TENT4B: variants seen among roughly 807,000 people sequenced by gnomAD.
TENT4B encodes PAP associated domain containing 5.
Under a neutral mutation model 75.0 loss-of-function variants are expected in TENT4B, and 10 were observed. That is an observed-to-expected ratio of 0.13 (90% CI 0.08 to 0.23). The LOEUF (loss-of-function observed/expected upper bound fraction) is 0.23, where lower values mean the gene tolerates loss of function less well. Among genes scored for constraint, TENT4B ranks in the 10% least tolerant of loss-of-function variants. The pLI, the probability that TENT4B is intolerant of heterozygous loss-of-function variation, is 1.00. For missense variants in TENT4B, 579 were observed against 893.8 expected (o/e 0.65, Z 4.49); for synonymous variants, 350 against 357.7 (o/e 0.98, Z 0.24).
chr16:50,170,961 T>G (rs1284018389), intron 1 of TENT4B, among the ~76,000 whole-genome samples: 2 of 22,738 alleles, frequency 8.8e-5, no homozygotes, highest in Admixed American at 5.0e-4. Context: ...GTGCCCAGTG[T>G]TTTTTTTTTT....
At chr16:50,221,790 G>T (rs1171900919) in intron 5 of TENT4B, among the ~76,000 whole-genome samples, 2 of 150,118 alleles carry the variant, frequency 1.3e-5, no homozygotes, top group African/African-American at 4.9e-5. Flanking sequence ...TTGAGATGGA[G>T]TCTTGCTCTG....
At chr16:50,195,941 C>G (rs2030209217) in intron 1 of TENT4B, among the ~76,000 whole-genome samples, 1 of 152,128 alleles carries the variant, frequency 6.6e-6, no homozygotes, top group South Asian at 2.1e-4. Context: ...TCTGTGTTGT[C>G]TACAATAGAT....
At chr16:50,186,769 C>T (rs1404045004) in intron 1 of TENT4B, among the ~76,000 whole-genome samples, 3 of 152,146 alleles carry the variant, frequency 2.0e-5, no homozygotes, top group Non-Finnish European at 2.9e-5. Context: ...CGGAATCTCA[C>T]TCTGTTGCCC....
chr16:50,219,684 TTTC>T (rs1354402253), intron 5 of TENT4B, among the ~76,000 whole-genome samples: 1 of 142,984 alleles, frequency 7.0e-6, no homozygotes, highest in East Asian at 2.4e-4. Context: ...CCCTCCCCCT[TTTC>T]TTCTCCCTCC....
chr16:50,169,218 T>C (rs991355967), intron 1 of TENT4B, among the ~76,000 whole-genome samples: 1 of 152,114 alleles, frequency 6.6e-6, no homozygotes, highest in African/African-American at 2.4e-5. Flanking sequence ...CTGTCTCTTT[T>C]CCCCCATATT....
intron 3 of TENT4B, among the ~76,000 whole-genome samples, chr16:50,214,475 G>A (rs1193410893): frequency 6.6e-6 from 1 of 152,104 alleles, no homozygotes; most frequent in Non-Finnish European, 1.5e-5. Context: ...GGCCAACATG[G>A]TAAAACCCCA....
chr16:50,181,203 C>T (rs1195125959), intron 1 of TENT4B, among the ~76,000 whole-genome samples: 1 of 152,096 alleles, frequency 6.6e-6, no homozygotes, highest in Non-Finnish European at 1.5e-5. Context: ...TTAAGCAAGA[C>T]AGAATATTTA....
intron 1 of TENT4B, among the ~76,000 whole-genome samples, chr16:50,161,639 A>T (rs2038003828): frequency 6.6e-6 from 1 of 152,084 alleles, no homozygotes; most frequent in African/African-American, 2.4e-5. Flanking sequence ...AGCCCTACTA[A>T]TTTTTTTACT....
intron 1 of TENT4B, among the ~76,000 whole-genome samples, chr16:50,201,074 A>G (rs1452228745): frequency 6.6e-6 from 1 of 152,134 alleles, no homozygotes; most frequent in African/African-American, 2.4e-5. Flanking sequence ...AGTGCTGATT[A>G]TAGGCCTGAG....
chr16:50,157,668 C>T (rs2037926601), intron 1 of TENT4B, among the ~76,000 whole-genome samples: 1 of 151,638 alleles, frequency 6.6e-6, no homozygotes, highest in African/African-American at 2.4e-5. Context: ...GTGATCTCGG[C>T]TCACTGCAGC....
intron 1 of TENT4B, among the ~76,000 whole-genome samples, chr16:50,161,106 C>T (rs1225430004): frequency 6.6e-6 from 1 of 152,164 alleles, no homozygotes; most frequent in Non-Finnish European, 1.5e-5. Flanking sequence ...TTGGTAGGGA[C>T]TCAGCTGCTG....
intron 1 of TENT4B, among the ~76,000 whole-genome samples, chr16:50,157,316 G>A (rs2037919619): frequency 6.6e-6 from 1 of 152,198 alleles, no homozygotes; most frequent in African/African-American, 2.4e-5. Context: ...CATTGCCTAA[G>A]TCCTTGATGT....
chr16:50,229,383 G>A lies in TENT4B; in HGVS notation c.*55G>A, dbSNP rs183602936. ...GTGCAATGATCTCATGCTCAGGACAGTTGCGCAGGGACTCCTGGGAGATAT... is the reference window on the plus strand; with the variant it reads ...GTGCAATGATCTCATGCTCAGGACAATTGCGCAGGGACTCCTGGGAGATAT... On this transcript the variant is annotated 3_prime_UTR_variant, in exon 12 of 12. Transcript: ENST00000561678. 10 of 1,540,168 alleles carry A rather than the reference G, an allele frequency of 6.5e-6. No individual in the cohort carries two copies. Among genetic ancestry groups the A allele is most frequent in the Non-Finnish European group, 7.8e-6 (9 of 1,148,504 alleles).
chr16:50,226,121 T>C (rs766597031), intron 10 of TENT4B, among the ~76,000 whole-genome samples: 18 of 151,982 alleles, frequency 1.2e-4, no homozygotes, highest in Admixed American at 7.9e-4. Flanking sequence ...TGCCTCAGCC[T>C]CCTGAGTATC....
chr16:50,219,982 C>T (rs535788999), intron 5 of TENT4B, among the ~76,000 whole-genome samples: 1 of 74,946 alleles, frequency 1.3e-5, no homozygotes, highest in South Asian at 5.5e-4. Flanking sequence ...ACCTGGCTAA[C>T]TTTTTTTTTA....
chr16:50,156,591 G>A (rs1041844193), intron 1 of TENT4B, among the ~76,000 whole-genome samples: 15 of 152,070 alleles, frequency 9.9e-5, no homozygotes, highest in African/African-American at 3.6e-4. Context: ...TGATCTGCCC[G>A]TCTTGGCCTC....
intron 1 of TENT4B, among the ~76,000 whole-genome samples, chr16:50,155,910 G>C (rs1276902198): frequency 6.6e-6 from 1 of 152,074 alleles, no homozygotes; most frequent in Non-Finnish European, 1.5e-5. Context: ...AAGCCTCTTT[G>C]CATGTGTCTA....
intron 1 of TENT4B, among the ~76,000 whole-genome samples, chr16:50,169,622 T>G (rs549011373): frequency 6.6e-6 from 1 of 152,238 alleles, no homozygotes; most frequent in South Asian, 2.1e-4. Flanking sequence ...AGCTACTTGG[T>G]TGTCTTGAGG....
Position 50,230,348 on chromosome 16 carries a change from C to G in TENT4B, c.*1020C>G. 8 of 981,804 alleles carry G rather than the reference C, an allele frequency of 8.1e-6. No individual in the cohort carries two copies. The highest frequency in any genetic ancestry group is 9.6e-6 in the Non-Finnish European group (8 of 829,206). The allele number at this position is 981,804 out of a possible 1,614,324, so 60.8% of individuals were successfully genotyped here. A position where few individuals can be genotyped will look rare whatever the true frequency, so the allele number is the denominator to read the frequency against. On this transcript the variant is annotated 3_prime_UTR_variant, in exon 12 of 12. Coordinates refer to ENST00000561678, the MANE Select transcript of TENT4B (RefSeq NM_001365324.3). ...CCCATGTCTGGTCTCATTCCTGTTG[C>G]AGTGAAACTTCGAGTTCCACAGACT...
Sources: allele counts gnomAD v4.1 joint callset (sites outside exome capture counted in the v4.1 genomes callset), GRCh38; gene constraint gnomAD v4.1.1; transcripts MANE v1.5; gene names NCBI Gene and HGNC (gene_info 2026-07-23, HGNC 2026-07-21).